Variants in ADGRL3 observed in about 807,000 individuals in gnomAD.
The protein encoded by ADGRL3 is adhesion G protein-coupled receptor L3.
A neutral mutation model predicts 153.5 loss-of-function variants in ADGRL3; 62 were observed. That is an observed-to-expected ratio of 0.40 (90% CI 0.33 to 0.50). ADGRL3 has a LOEUF of 0.50. Among genes scored for constraint, ADGRL3 ranks in the 20% least tolerant of loss-of-function variants. The pLI, the probability that ADGRL3 is intolerant of heterozygous loss-of-function variation, is 0.47. For synonymous variants in ADGRL3, 710 were observed against 672.5 expected (o/e 1.06, Z -0.86); for missense variants, 1,641 against 1,859.4 (o/e 0.88, Z 2.16).
intron 2 of ADGRL3, among the ~76,000 whole-genome samples, chr4:61,467,136 A>G (rs928034404): frequency 1.3e-5 from 2 of 152,160 alleles, no homozygotes; most frequent in Admixed American, 6.6e-5. Flanking sequence ...AGCAGAAAGA[A>G]CAATTATGTA....
chr4:62,053,893 A>C (rs975472813), intron 25 of ADGRL3, among the ~76,000 whole-genome samples: 6 of 151,576 alleles, frequency 4.0e-5, no homozygotes, highest in African/African-American at 9.7e-5. Flanking sequence ...ACTAAATGTC[A>C]TATTTTTTTC....
chr4:61,931,423 A>G (rs914758171), intron 13 of ADGRL3, among the ~76,000 whole-genome samples: 3 of 152,318 alleles, frequency 2.0e-5, no homozygotes, highest in Admixed American at 2.0e-4. Flanking sequence ...CAACTTGAGC[A>G]CTTGTTATGA....
chr4:62,061,304 A>T (rs1740019456), intron 25 of ADGRL3, among the ~76,000 whole-genome samples: 1 of 151,810 alleles, frequency 6.6e-6, no homozygotes, highest in South Asian at 2.1e-4. Context: ...ATAATTGTAG[A>T]TTCACATGCT....
At chr4:61,331,205 TC>T (rs1470638673) in intron 1 of ADGRL3, among the ~76,000 whole-genome samples, 1 of 152,134 alleles carries the variant, frequency 6.6e-6, no homozygotes, top group African/African-American at 2.4e-5. Flanking sequence ...AAATTATAAC[TC>T]TAGTATAAAT....
chr4:61,606,464 C>T (rs1315101261), intron 5 of ADGRL3, among the ~76,000 whole-genome samples: 1 of 152,124 alleles, frequency 6.6e-6, no homozygotes, highest in East Asian at 1.9e-4. Flanking sequence ...CAAGGCCTTT[C>T]CTTGGCTTGT....
rs534881202 is a variant in ADGRL3 at position 61,647,250 on chromosome 4, C to T, written c.474-29576C>T. On this transcript the variant is annotated intron_variant, in intron 5 of 26. Transcript: ENST00000683033. ...AATCACCCGTCTTCTGCGTGGCTCA[C>T]GCTGGGAGCTGTAGACCAGAGCTTT... is the stretch of plus-strand genomic sequence containing the variant. Among the ~76,000 whole-genome samples, 280 of 152,250 alleles carry T rather than the reference C, an allele frequency of 1.8e-3. 2 individuals carry two copies. Among genetic ancestry groups the T allele is most frequent in the African/African-American group, 6.3e-3 (261 of 41,558 alleles).
intron 24 of ADGRL3, among the ~76,000 whole-genome samples, chr4:62,039,880 A>T (rs1254962727): frequency 6.6e-6 from 1 of 152,112 alleles, no homozygotes; most frequent in African/African-American, 2.4e-5. Flanking sequence ...CTACCATCCG[A>T]TAGTCATTTT....
chr4:62,069,838 C>T (rs533807531), intron 26 of ADGRL3, among the ~76,000 whole-genome samples: 2 of 152,142 alleles, frequency 1.3e-5, no homozygotes, highest in South Asian at 4.2e-4. Context: ...GTGGCAATTG[C>T]AAATTGATAA....
At chr4:61,319,740 AAATT>A (rs1322859236) in intron 1 of ADGRL3, among the ~76,000 whole-genome samples, 1 of 152,202 alleles carries the variant, frequency 6.6e-6, no homozygotes, top group Non-Finnish European at 1.5e-5. Flanking sequence ...AGTGCTATAT[AAATT>A]AATTAATTCT....
At chr4:61,397,421 T>C (rs1163953434) in intron 2 of ADGRL3, among the ~76,000 whole-genome samples, 1 of 151,804 alleles carries the variant, frequency 6.6e-6, no homozygotes, top group Non-Finnish European at 1.5e-5. Context: ...GAGGCAAGTG[T>C]GGGGATGTGG....
At chr4:61,559,157 T>C (rs1237717924) in intron 4 of ADGRL3, among the ~76,000 whole-genome samples, 3 of 152,092 alleles carry the variant, frequency 2.0e-5, no homozygotes, top group Admixed American at 6.6e-5. Context: ...AATTTAATAC[T>C]GTGTTTAGCC....
At chr4:61,746,586 A>G (rs957193027) in intron 8 of ADGRL3, among the ~76,000 whole-genome samples, 2 of 152,186 alleles carry the variant, frequency 1.3e-5, no homozygotes, top group Non-Finnish European at 2.9e-5. Flanking sequence ...TGGAAACTGA[A>G]CAACCTGCTC....
chr4:61,959,525 C>T (rs997526110), intron 17 of ADGRL3, among the ~76,000 whole-genome samples: 1 of 151,988 alleles, frequency 6.6e-6, no homozygotes, highest in African/African-American at 2.4e-5. Flanking sequence ...TTGTTTAAAG[C>T]CATTGTATTT....
At chr4:61,567,267 T>G (rs2098820063) in intron 4 of ADGRL3, among the ~76,000 whole-genome samples, 1 of 152,168 alleles carries the variant, frequency 6.6e-6, no homozygotes, top group African/African-American at 2.4e-5. Context: ...AACTTCTAAA[T>G]CAGATCAATC....
intron 3 of ADGRL3, among the ~76,000 whole-genome samples, chr4:61,503,998 AC>A (rs979775169): frequency 2.6e-5 from 4 of 151,466 alleles, no homozygotes; most frequent in Admixed American, 2.0e-4. Context: ...AAATTCTCCA[AC>A]CCCCTTTTTG....
chr4:61,855,553 T>C (rs2149208541), intron 9 of ADGRL3, among the ~76,000 whole-genome samples: 1 of 152,266 alleles, frequency 6.6e-6, no homozygotes, highest in African/African-American at 2.4e-5. Context: ...AAACATTATT[T>C]TTTCACTTTT....
intron 9 of ADGRL3, among the ~76,000 whole-genome samples, chr4:61,839,485 T>C (rs927376666): frequency 6.6e-6 from 1 of 152,130 alleles, no homozygotes; most frequent in Non-Finnish European, 1.5e-5. Context: ...AATGAGCCAC[T>C]GTACCTGGCC....
chr4:61,749,406 C>T (rs185028844), intron 8 of ADGRL3, among the ~76,000 whole-genome samples: 8 of 152,298 alleles, frequency 5.3e-5, no homozygotes, highest in Admixed American at 1.3e-4. Flanking sequence ...AAGACACATG[C>T]ACACATATGT....
intron 1 of ADGRL3, among the ~76,000 whole-genome samples, chr4:61,310,025 A>T (rs1387538665): frequency 6.6e-6 from 1 of 151,678 alleles, no homozygotes; most frequent in Non-Finnish European, 1.5e-5. Flanking sequence ...TGCACTGTTT[A>T]ACCTTTAAAC....
Sources: allele counts gnomAD v4.1 joint callset (sites outside exome capture counted in the v4.1 genomes callset), GRCh38; gene constraint gnomAD v4.1.1; transcripts MANE v1.5; gene names NCBI Gene and HGNC (gene_info 2026-07-23, HGNC 2026-07-21).